Variants in DACH2 observed in about 807,000 individuals in gnomAD.
DACH2 encodes the protein dachshund homolog 2.
Under a neutral mutation model 35.8 loss-of-function variants are expected in DACH2, and 17 were observed. The ratio of observed to expected loss-of-function variants is 0.48; its 90% CI spans 0.33 to 0.71. The LOEUF (loss-of-function observed/expected upper bound fraction) is 0.71. Among genes scored for constraint, DACH2 ranks in the 30% least tolerant of loss-of-function variants. DACH2 has a pLI of 0.02. For synonymous variants in DACH2, 195 were observed against 177.3 expected (o/e 1.10, Z -0.79); for missense variants, 469 against 472.7 (o/e 0.99, Z 0.07).
chrX:86,752,077 G>A (rs189427159), intron 7 of DACH2, among the ~76,000 whole-genome samples: 128 of 111,259 alleles, frequency 1.2e-3, no homozygotes, highest in African/African-American at 4.1e-3. Context: ...GGGACAGGGG[G>A]TGGGCAGAAG....
At chrX:86,234,676 C>T (rs776928480) in intron 1 of DACH2, among the ~76,000 whole-genome samples, 15 of 107,708 alleles carry the variant, frequency 1.4e-4, no homozygotes, top group African/African-American at 3.7e-4. Flanking sequence ...TGCAGTGGTG[C>T]GATCTCGGCT....
At chrX:86,584,336 C>G (rs1291416659) in intron 3 of DACH2, among the ~76,000 whole-genome samples, 1 of 110,500 alleles carries the variant, frequency 9.0e-6, no homozygotes, top group South Asian at 3.8e-4. Context: ...GATATTCCCT[C>G]TTTTATTTCT....
rs767787655 is a variant in DACH2 at position 86,591,464 on chromosome X, G to A, written c.641-59572G>A. ...ACATTACAATTTTTTAATAACATAG[G>A]ATGTTGGGCATTTTTCATATGGTTA... On this transcript the variant is annotated intron_variant, in intron 3 of 11. Transcript: ENST00000373125. Among the ~76,000 whole-genome samples the A allele has an allele frequency of 4.5e-5, 5 of 110,616 alleles. No homozygotes were observed. The South Asian group carries it at 1.9e-3, about 42-fold the overall frequency.
At chrX:86,310,399 C>T in intron 1 of DACH2, among the ~76,000 whole-genome samples, 1 of 111,776 alleles carries the variant, frequency 8.9e-6, no homozygotes, top group South Asian at 3.8e-4. Context: ...GCACCAATGG[C>T]CTCATGTGGA....
chrX:86,692,538 C>T (rs1449432195), intron 4 of DACH2, among the ~76,000 whole-genome samples: 2 of 111,932 alleles, frequency 1.8e-5, no homozygotes, highest in African/African-American at 6.5e-5. Context: ...GATACACAAA[C>T]CATGAGAATA....
chrX:86,526,279 C>T (rs1320599648), intron 3 of DACH2, among the ~76,000 whole-genome samples: 1 of 111,625 alleles, frequency 9.0e-6, no homozygotes, highest in Non-Finnish European at 1.9e-5. Context: ...TAAAATTTGT[C>T]ATATACAAGT....
rs182186194 is a variant in DACH2, at chrX:86,744,631, G to T, written c.1240+4749G>T. On this transcript the variant is annotated intron_variant, in intron 7 of 11. Coordinates refer to ENST00000373125, the MANE Select transcript of DACH2 (RefSeq NM_053281.3). ...CATGTAGCCCACCCTTACTGTATCT[G>T]GTAAAACTGGATGACATTATAATAC... Among the ~76,000 whole-genome samples the T allele has an allele frequency of 2.5e-3, 281 of 111,283 alleles. 2 individuals are homozygous for T. The highest frequency in any genetic ancestry group is 8.9e-3 in the African/African-American group (272 of 30,730).
At chrX:86,488,421 C>T (rs2038048582) in intron 2 of DACH2, among the ~76,000 whole-genome samples, 2 of 110,960 alleles carry the variant, frequency 1.8e-5, no homozygotes, top group East Asian at 2.8e-4. Flanking sequence ...TATTTATATT[C>T]TTTGGCTCTT....
At chrX:86,339,745 TG>T (rs1371738737) in intron 1 of DACH2, among the ~76,000 whole-genome samples, 1 of 111,594 alleles carries the variant, frequency 9.0e-6, no homozygotes, top group Non-Finnish European at 1.9e-5. Flanking sequence ...AATCAGAAAA[TG>T]GAAGGAAAAA....
At chrX:86,636,653 C>A (rs2040269435) in intron 3 of DACH2, among the ~76,000 whole-genome samples, 1 of 111,150 alleles carries the variant, frequency 9.0e-6, no homozygotes, top group Non-Finnish European at 1.9e-5. Context: ...AACTGGCAAG[C>A]TGTATGCAGA....
chrX:86,464,269 C>A (rs1219061228), intron 2 of DACH2, among the ~76,000 whole-genome samples: 2 of 111,183 alleles, frequency 1.8e-5, no homozygotes, highest in African/African-American at 6.5e-5. Flanking sequence ...TGGAACCAAC[C>A]CAAATGCCCA....
At chrX:86,328,065 T>C (rs1299882596) in intron 1 of DACH2, among the ~76,000 whole-genome samples, 1 of 111,855 alleles carries the variant, frequency 8.9e-6, no homozygotes, top group African/African-American at 3.2e-5. Context: ...CTTTATTTTT[T>C]TCATTTCTCA....
At chrX:86,295,603 A>T (rs1000845516) in intron 1 of DACH2, among the ~76,000 whole-genome samples, 1 of 111,039 alleles carries the variant, frequency 9.0e-6, no homozygotes, top group Non-Finnish European at 1.9e-5. Flanking sequence ...GACCACTAGG[A>T]TTGACAATTC....
chrX:86,440,621 A>T (rs2037144827), intron 2 of DACH2, among the ~76,000 whole-genome samples: 1 of 111,575 alleles, frequency 9.0e-6, no homozygotes, highest in Non-Finnish European at 1.9e-5. Flanking sequence ...ATACACATCT[A>T]ACATATTTGT....
intron 4 of DACH2, among the ~76,000 whole-genome samples, chrX:86,680,467 T>G (rs2040868327): frequency 9.0e-6 from 1 of 111,499 alleles, no homozygotes; most frequent in Admixed American, 9.6e-5. Context: ...GACACTATTT[T>G]TTACTGCCCT....
At chrX:86,630,732 C>G (rs1484692430) in intron 3 of DACH2, among the ~76,000 whole-genome samples, 1 of 109,608 alleles carries the variant, frequency 9.1e-6, no homozygotes, top group African/African-American at 3.3e-5. Context: ...GCTCTGTCGC[C>G]CAGGCTGGAG....
chrX:86,257,952 T>G (rs1239462525), intron 1 of DACH2, among the ~76,000 whole-genome samples: 2 of 111,174 alleles, frequency 1.8e-5, no homozygotes, highest in Admixed American at 1.9e-4. Context: ...ACAGATCGGA[T>G]AGGGTCTAGA....
rs2035314130 is a variant in DACH2 at position 86,336,542 on chromosome X, G to A, written c.489-40282G>A. Among the ~76,000 whole-genome samples the A allele has an allele frequency of 2.7e-5, 3 of 111,767 alleles. No homozygotes were observed. In the Admixed American group the frequency reaches 2.9e-4, roughly 11 times the overall value. ...GAAAACTAACAAACAGAAAGGAAGA[G>A]CATATCCACTCAGAGACCCCATAGA... On this transcript the variant is annotated intron_variant, in intron 1 of 11. Transcript: ENST00000373125.
At chrX:86,181,221 A>G (rs773944447) in intron 1 of DACH2, among the ~76,000 whole-genome samples, 6 of 109,439 alleles carry the variant, frequency 5.5e-5, no homozygotes, top group Admixed American at 9.9e-5. Context: ...GTTCTGGGAT[A>G]CATGTGCAGA....
Sources: gnomAD v4.1 joint callset for allele counts (sites outside exome capture counted in the v4.1 genomes callset) on GRCh38, gnomAD v4.1.1 for gene constraint, MANE v1.5 for transcripts, NCBI Gene and HGNC (gene_info 2026-07-23, HGNC 2026-07-21) for gene names.